The following POTEE variants were observed in gnomAD, a reference collection of about 807,000 sequenced individuals.
POTEE encodes ANKRD26-like family C member 1A.
POTEE carries 21 observed loss-of-function variants against 74.2 expected under a neutral mutation model. The ratio of observed to expected loss-of-function variants is 0.28; its 90% CI spans 0.20 to 0.41. The LOEUF is 0.41. POTEE is among the 10% of genes least tolerant of loss of function. POTEE has a pLI of 1.00. For missense variants in POTEE, 525 were observed against 1,158.6 expected, an observed-to-expected ratio of 0.45 and a Z score of 7.94; for synonymous variants, 211 against 432.8, an observed-to-expected ratio of 0.49 and a Z score of 6.36.
intron 8 of POTEE, among the ~76,000 whole-genome samples, chr2:131,229,973 T>C (rs1487666782): frequency 6.6e-6 from 1 of 152,144 alleles, no homozygotes; most frequent in Non-Finnish European, 1.5e-5. Context: ...AGTAGACTTT[T>C]GGTCTCCCAT....
At chr2:131,217,501 GC>G (rs1159344754) in intron 2 of POTEE, among the ~76,000 whole-genome samples, 87 bp from the exon 3 acceptor site, 1 of 141,664 alleles carries the variant, frequency 7.1e-6, no homozygotes. Context: ...TGTCCTGGGG[GC>G]TTTTTTCAAA....
chr2:131,263,839 G>A lies in POTEE; in HGVS notation c.2384G>A (p.Arg795His), dbSNP rs748017694. The A allele has an allele frequency of 1.7e-5, 28 of 1,613,984 alleles. No individual in the cohort carries two copies. Among genetic ancestry groups the A allele is most frequent in the East Asian group, 4.5e-5 (2 of 44,878 alleles). The change falls in exon 18 of 18, where the codon CGT becomes CAT. Residue 795 changes from arginine (R) to histidine (H), a missense_variant. By Grantham distance (29) the Arg-to-His change is conservative. Coordinates refer to ENST00000683005, the MANE Select transcript of POTEE (RefSeq NM_001083538.3). Reference protein sequence around the residue: ...IWHHTFYNELRVAPEEHPILL... With the variant: ...IWHHTFYNELHVAPEEHPILL... The stretch of plus-strand genomic sequence containing the variant: ...CACCACACCTTCTACAACGAGCTGC[G>A]TGTGGCTCCCGAGGAGCACCCCATC...
At chr2:131,233,028 G>A (rs1484549490) in intron 9 of POTEE, among the ~76,000 whole-genome samples, 4 of 151,996 alleles carry the variant, frequency 2.6e-5, no homozygotes, top group Non-Finnish European at 5.9e-5. Context: ...GGCTGAGGAG[G>A]GGGATTGGGA....
chr2:131,217,219 AT>A (rs1331706132), intron 2 of POTEE, among the ~76,000 whole-genome samples: 1 of 130,172 alleles, frequency 7.7e-6, no homozygotes, highest in African/African-American at 3.0e-5. Context: ...GATTCAGGAG[AT>A]TTTGGTGCAC....
At chr2:131,210,341 G>T (rs1030048158) in intron 1 of POTEE, among the ~76,000 whole-genome samples, 2 of 146,742 alleles carry the variant, frequency 1.4e-5, no homozygotes, top group Non-Finnish European at 3.0e-5. Flanking sequence ...GGTTGGGGGG[G>T]GGTATTGGGG....
intron 8 of POTEE, among the ~76,000 whole-genome samples, chr2:131,229,373 C>A (rs1457062830): frequency 6.6e-6 from 1 of 152,068 alleles, no homozygotes; most frequent in Non-Finnish European, 1.5e-5. Flanking sequence ...ATGAACCTTG[C>A]CCTGAGCAGT....
chr2:131,231,390 T>A (rs1175656807), intron 9 of POTEE, among the ~76,000 whole-genome samples: 6 of 151,920 alleles, frequency 3.9e-5, no homozygotes, highest in African/African-American at 4.8e-5. Context: ...GCTGCTCACC[T>A]CCTCCTGTGT....
intron 16 of POTEE, among the ~76,000 whole-genome samples, chr2:131,258,506 C>T (rs867734530): frequency 0.032 from 4,702 of 146,090 alleles, 20 homozygotes; most frequent in African/African-American, 0.11. Flanking sequence ...TAGTCATATT[C>T]TGTGTTTTTA....
chr2:131,219,880 A>G (rs564988578), intron 4 of POTEE, among the ~76,000 whole-genome samples: 15 of 152,286 alleles, frequency 9.8e-5, no homozygotes, highest in Non-Finnish European at 1.8e-4. Context: ...CAGAATGGAA[A>G]AAGTCTGCTT....
chr2:131,235,810 A>G (rs1447517672), intron 9 of POTEE, among the ~76,000 whole-genome samples: 26 of 151,110 alleles, frequency 1.7e-4, no homozygotes, highest in African/African-American at 2.4e-4. Context: ...AAAAAAAAAA[A>G]AAAGAAAGAA....
rs576577125 is a variant in POTEE at position 131,221,529 on chromosome 2, A to G, written c.522-2067A>G. On this transcript the variant is annotated intron_variant, in intron 4 of 17. Coordinates refer to ENST00000683005, the MANE Select transcript of POTEE (RefSeq NM_001083538.3). ...TTAGTTAAAGTTCATTAGTAATGCAATAATCCTTGGGAAGAGAAGGAATAT... is the reference window on the plus strand; with the variant it reads ...TTAGTTAAAGTTCATTAGTAATGCAGTAATCCTTGGGAAGAGAAGGAATAT... Among the ~76,000 whole-genome samples the G allele has an allele frequency of 5.9e-5, 9 of 152,178 alleles. No individual in the cohort carries two copies. In the East Asian group the frequency reaches 9.6e-4, roughly 16 times the overall value.
In POTEE at chr2:131,263,516, T is replaced by C; in HGVS notation, c.2061T>C (p.Asn687=). The change falls in exon 18 of 18, where the codon AAT becomes AAC. Residue 687 remains asparagine, a synonymous_variant. Transcript: ENST00000683005. ...ATATTGAAAGTGTGAAAAAAAAGAA[T>C]GATAATCTTTTAAAGGCTCTACAAT... ...LEDIESVKKK[N]DNLLKALQLN... is the part of the protein sequence containing the mutation. The C allele has an allele frequency of 6.2e-7, 1 of 1,611,178 alleles. No individual in the cohort carries two copies. The highest frequency in any genetic ancestry group is 1.1e-5 in the South Asian group (1 of 90,894).
Position 131,264,008 on chromosome 2 carries a change from C to T in POTEE, c.2553C>T (p.Ile851=), listed in dbSNP as rs771292897. ...ACACCTCTGGCCGTACTACTGGCAT[C>T]GTGATGGACTCTGGTGACGGGGTCA... is the stretch of plus-strand genomic sequence containing the variant. ...SLYTSGRTTG[I]VMDSGDGVTH... The change falls in exon 18 of 18, where the codon ATC becomes ATT. Residue 851 remains isoleucine (I), a synonymous_variant. Transcript: ENST00000683005. The T allele has an allele frequency of 1.5e-5, 24 of 1,614,066 alleles. No homozygotes were observed. Among genetic ancestry groups the T allele is most frequent in the African/African-American group, 1.2e-4 (9 of 74,928 alleles).
In POTEE at chr2:131,251,277, A is replaced by T. The variant is rs1254495218; in HGVS notation, c.1551+429A>T. ...AGACTCCATGTGAAAAAAAAAAAAA[A>T]AAATTTTAATAGATTCTTAAAATTT... On this transcript the variant is annotated intron_variant, in intron 14 of 17. Coordinates refer to ENST00000683005, the MANE Select transcript of POTEE (RefSeq NM_001083538.3). Among the ~76,000 whole-genome samples the T allele has an allele frequency of 1.3e-3, 45 of 34,376 alleles. 9 individuals carry two copies. The highest frequency in any genetic ancestry group is 2.7e-3 in the African/African-American group (45 of 16,854). 22.6% of individuals were successfully genotyped at this position (34,376 alleles called of 152,430 possible). A position where few individuals can be genotyped will look rare whatever the true frequency, so the allele number is the denominator to read the frequency against.
Position 131,216,458 on chromosome 2 carries a change from G to T in POTEE, c.-188-1131G>T, listed in dbSNP as rs547140238. On this transcript the variant is annotated intron_variant, in intron 2 of 17. Transcript: ENST00000683005. ...ACAAAGCAAACAAGAAAATGGGAAA[G>T]GACACCCTATTCAACATATGCTGCT... 6.2e-3 allele frequency among the ~76,000 whole-genome samples: 932 copies of T among 150,368 alleles called. 2 individuals carry two copies. Among genetic ancestry groups the T allele is most frequent in the African/African-American group, 0.021 (845 of 39,876 alleles).
At chr2:131,211,914 G>C (rs979790740) in intron 2 of POTEE, among the ~76,000 whole-genome samples, 2 of 150,718 alleles carry the variant, frequency 1.3e-5, no homozygotes, top group Non-Finnish European at 3.0e-5. Context: ...TGTGAATTGG[G>C]GAGGGGATAA....
At chr2:131,236,298 C>T (rs1701131241) in intron 9 of POTEE, among the ~76,000 whole-genome samples, 1 of 152,092 alleles carries the variant, frequency 6.6e-6, no homozygotes, top group African/African-American at 2.4e-5. Flanking sequence ...GCTCTAGCTT[C>T]TCAGGCAGGG....
intron 16 of POTEE, among the ~76,000 whole-genome samples, chr2:131,260,935 A>AT (rs1351932839): frequency 8.5e-6 from 1 of 117,178 alleles, no homozygotes; most frequent in Non-Finnish European, 1.7e-5. Context: ...AGATAAAATT[A>AT]TTTCAAAGTC....
intron 6 of POTEE, among the ~76,000 whole-genome samples, chr2:131,226,075 A>G (rs1217429341): frequency 6.6e-6 from 1 of 152,162 alleles, no homozygotes; most frequent in African/African-American, 2.4e-5. Context: ...CTCAATTAGA[A>G]TTGTAGCAAA....
Sources: gnomAD v4.1 joint callset for allele counts (sites outside exome capture counted in the v4.1 genomes callset) on GRCh38, gnomAD v4.1.1 for gene constraint, MANE v1.5 for transcripts, NCBI Gene and HGNC (gene_info 2026-07-23, HGNC 2026-07-21) for gene names.